Variants in LRRC37A2 observed in about 807,000 individuals in gnomAD.
LRRC37A2 encodes leucine rich repeat containing 37 member A2.
LRRC37A2 carries 9 observed loss-of-function variants against 68.8 expected under a neutral mutation model. The ratio of observed to expected loss-of-function variants is 0.13; its 90% CI spans 0.08 to 0.23. The LOEUF (loss-of-function observed/expected upper bound fraction) is 0.23, where lower values mean the gene tolerates loss of function less well. LRRC37A2 is among the 10% of genes least tolerant of loss of function. LRRC37A2 has a pLI of 1.00. For missense variants in LRRC37A2, 168 were observed against 950.4 expected (o/e 0.18, Z 10.82); for synonymous variants, 63 against 367.6 (o/e 0.17, Z 9.48).
chr17:46,761,326 T>G, the LRRC37A2 span, among the ~76,000 whole-genome samples: 8 of 151,750 alleles, frequency 5.3e-5, no homozygotes, highest in South Asian at 6.3e-4. Flanking sequence ...CCTGGTTTTT[T>G]TTTGTTTGTT....
At chr17:46,940,852 CA>C in the LRRC37A2 span, 4 of 1,441,528 alleles carry the variant, frequency 2.8e-6, no homozygotes, top group South Asian at 1.4e-5. Context: ...TCTGGACACC[CA>C]GGGGCATTGA....
chr17:46,492,843 A>G, the LRRC37A2 span, among the ~76,000 whole-genome samples: 1 of 149,886 alleles, frequency 6.7e-6, no homozygotes, highest in Non-Finnish European at 1.5e-5. Flanking sequence ...ACAGGCGTCT[A>G]CCACCACGCC....
chr17:46,872,879 G>T, the LRRC37A2 span: 3 of 1,340,530 alleles, frequency 2.2e-6, no homozygotes, highest in Non-Finnish European at 3.0e-6. Flanking sequence ...CCGTGCCCAG[G>T]CCACACTGCC....
At chr17:46,905,994 C>CAGGAGGAAGGGCAG in the LRRC37A2 span, among the ~76,000 whole-genome samples, 3 of 152,212 alleles carry the variant, frequency 2.0e-5, no homozygotes, top group Admixed American at 2.0e-4. Context: ...CGGATATGGG[C>CAGGAGGAAGGGCAG]TGCCGACCTT....
At chr17:46,921,534 A>C in the LRRC37A2 span, among the ~76,000 whole-genome samples, 3 of 152,250 alleles carry the variant, frequency 2.0e-5, no homozygotes, top group Admixed American at 1.3e-4. Flanking sequence ...CTACCATCAG[A>C]GTGAACAGGC....
chr17:46,737,418 C>G, the LRRC37A2 span, among the ~76,000 whole-genome samples: 1 of 152,274 alleles, frequency 6.6e-6, no homozygotes, highest in Admixed American at 6.5e-5. Flanking sequence ...CAGACTTATA[C>G]TCAGGTATTT....
chr17:46,952,953 G>C, the LRRC37A2 span: 1 of 152,088 alleles, frequency 6.6e-6, no homozygotes, highest in Non-Finnish European at 1.5e-5. Flanking sequence ...CACATAAGAT[G>C]CTCGATGCAA....
the LRRC37A2 span, among the ~76,000 whole-genome samples, chr17:46,745,034 ACT>A: frequency 1.3e-4 from 10 of 77,244 alleles, no homozygotes; most frequent in African/African-American, 4.7e-4. Context: ...ATAGGTTATC[ACT>A]CTGTGCTTTT....
the LRRC37A2 span, chr17:46,768,796 T>C: frequency 6.2e-7 from 1 of 1,613,330 alleles, no homozygotes; most frequent in Non-Finnish European, 8.5e-7. This position sits in a 1 kb window ranked among gnomAD's most constrained non-coding sequence, Gnocchi z 5.0. Flanking sequence ...TGGTCCAGGA[T>C]AGTCTGGGGG....
chr17:46,789,799 G>A, the LRRC37A2 span, among the ~76,000 whole-genome samples: 1 of 152,230 alleles, frequency 6.6e-6, no homozygotes, highest in African/African-American at 2.4e-5. Context: ...CCTAAAGCCA[G>A]CAGTGGCAGA....
At chr17:46,749,972 A>G in the LRRC37A2 span, 3 of 1,506,190 alleles carry the variant, frequency 2.0e-6, no homozygotes, top group Non-Finnish European at 2.7e-6. Context: ...AATAAGTAGT[A>G]CCACATTATA....
chr17:46,751,622 G>A, the LRRC37A2 span: 2 of 1,583,322 alleles, frequency 1.3e-6, no homozygotes, highest in South Asian at 2.2e-5. Context: ...TACAGGTAAG[G>A]TACTTCGTTC....
At chr17:46,947,398 GGAGGCAGGGCA>G in the LRRC37A2 span, among the ~76,000 whole-genome samples, 6 of 152,296 alleles carry the variant, frequency 3.9e-5, no homozygotes, top group South Asian at 1.2e-3. Flanking sequence ...CCAACCAGGC[GGAGGCAGGGCA>G]GAGGCTGTCA....
chr17:46,742,063 G>A, the LRRC37A2 span, among the ~76,000 whole-genome samples: 3 of 152,156 alleles, frequency 2.0e-5, no homozygotes, highest in Non-Finnish European at 4.4e-5. Context: ...AATAGTACTT[G>A]TTATCTCACT....
the LRRC37A2 span, among the ~76,000 whole-genome samples, chr17:46,752,640 G>A: frequency 5.9e-5 from 9 of 152,136 alleles, no homozygotes; most frequent in Admixed American, 5.2e-4. Flanking sequence ...ATTTTTTGTA[G>A]AAACATGGTT....
chr17:46,610,272 T>G, the LRRC37A2 span, among the ~76,000 whole-genome samples: 1 of 82,296 alleles, frequency 1.2e-5, no homozygotes, highest in Non-Finnish European at 2.6e-5. Context: ...AGCCTCACTG[T>G]TTTCTTCAGT....
the LRRC37A2 span, chr17:46,966,438 G>T: frequency 2.3e-5 from 14 of 600,566 alleles, no homozygotes; most frequent in Non-Finnish European, 3.9e-5. Context: ...GCCTTGACCT[G>T]CTGGGCTTAA....
chr17:46,785,146 T>C, the LRRC37A2 span, among the ~76,000 whole-genome samples: 1 of 152,172 alleles, frequency 6.6e-6, no homozygotes, highest in Admixed American at 6.5e-5. Flanking sequence ...TGGGGACCCC[T>C]CTCTGACCAC....
chr17:46,896,428 AAGAAAGAAAGAAAGAAAGAAAGAAAAAG>A, the LRRC37A2 span, among the ~76,000 whole-genome samples: 1 of 85,848 alleles, frequency 1.2e-5, no homozygotes, highest in South Asian at 3.4e-4. Context: ...GAAAGAAAGA[AAGAAAGAAAGAAAGAAAGAAAGAAAAAG>A]AAAGAAAGAA....
Sources: gnomAD v4.1 joint callset for allele counts (sites outside exome capture counted in the v4.1 genomes callset) on GRCh38, gnomAD v4.1.1 for gene constraint, Gnocchi (gnomAD v3.1) non-coding constraint, MANE v1.5 for transcripts, NCBI Gene and HGNC (gene_info 2026-07-23, HGNC 2026-07-21) for gene names.